GRIK1: variants seen among roughly 807,000 people sequenced by gnomAD.
The protein encoded by GRIK1 is glutamate ionotropic receptor kainate type subunit 1, also known as glutamate receptor ionotropic, kainate 1.
A neutral mutation model predicts 105.7 loss-of-function variants in GRIK1; 69 were observed. The ratio of observed to expected loss-of-function variants is 0.65; its 90% CI spans 0.54 to 0.80. The LOEUF is 0.80. Among genes scored for constraint, GRIK1 ranks in the 30% least tolerant of loss-of-function variants. The pLI is 0.00. For synonymous variants in GRIK1, 438 were observed against 431.3 expected, an observed-to-expected ratio of 1.02 and a Z score of -0.19; for missense variants, 1,109 against 1,167.3, an observed-to-expected ratio of 0.95 and a Z score of 0.73.
At chr21:29,897,213 G>C (rs1211875308) in intron 1 of GRIK1, among the ~76,000 whole-genome samples, 1 of 152,166 alleles carries the variant, frequency 6.6e-6, no homozygotes, top group East Asian at 1.9e-4. Flanking sequence ...AGTGGGAACT[G>C]TGTCAAAACC....
chr21:29,663,225 A>C (rs765064988), intron 4 of GRIK1, among the ~76,000 whole-genome samples: 1 of 152,166 alleles, frequency 6.6e-6, no homozygotes, highest in Non-Finnish European at 1.5e-5. Context: ...AAAATTAATA[A>C]TTTGCACAAA....
rs528247157 is a variant in GRIK1 at position 29,551,124 on chromosome 21, A to C, written c.2607+3928T>G. Among the ~76,000 whole-genome samples the C allele has an allele frequency of 7.2e-4, 110 of 152,310 alleles. No homozygotes were observed. In the East Asian group the frequency reaches 0.011, roughly 16 times the overall value. On this transcript the variant is annotated intron_variant, in intron 16 of 17. Transcript: ENST00000327783. ...CTGTGGGGAAAAAAATCTGCAATCT[A>C]ATAGGCTTCAGAAGTGCTGAATACT...
intron 1 of GRIK1, among the ~76,000 whole-genome samples, chr21:29,778,706 C>A (rs1320827758): frequency 1.3e-5 from 2 of 152,110 alleles, no homozygotes; most frequent in Non-Finnish European, 2.9e-5. Context: ...AAAAATGTGA[C>A]AAAAATTAAT....
intron 1 of GRIK1, among the ~76,000 whole-genome samples, chr21:29,906,688 A>C (rs1008686665): frequency 6.6e-6 from 1 of 152,162 alleles, no homozygotes; most frequent in African/African-American, 2.4e-5. Context: ...AAATTAAGAC[A>C]AAAGAGTTAA....
At chr21:29,875,089 ATAAT>A (rs1037626735) in intron 1 of GRIK1, among the ~76,000 whole-genome samples, 2 of 151,906 alleles carry the variant, frequency 1.3e-5, no homozygotes, top group Non-Finnish European at 2.9e-5. Context: ...TTTCTCCAAA[ATAAT>A]TAGACTTGCA....
intron 2 of GRIK1, among the ~76,000 whole-genome samples, chr21:29,690,897 A>T (rs1428859662): frequency 2.0e-5 from 3 of 152,198 alleles, no homozygotes; most frequent in African/African-American, 7.2e-5. Context: ...ATACAGTTTG[A>T]CATATTACTT....
At chr21:29,913,182 G>C (rs891698075) in intron 1 of GRIK1, among the ~76,000 whole-genome samples, 2 of 152,030 alleles carry the variant, frequency 1.3e-5, no homozygotes, top group African/African-American at 2.4e-5. Context: ...AGAAAGATGG[G>C]TTCGAGCCCC....
At chr21:29,677,737 T>C (rs949583021) in intron 3 of GRIK1, among the ~76,000 whole-genome samples, 3 of 152,188 alleles carry the variant, frequency 2.0e-5, no homozygotes, top group Admixed American at 2.0e-4. Flanking sequence ...AATATACCTC[T>C]GAGGTGAATA....
In GRIK1 at chr21:29,564,635, C is replaced by T. The variant is rs577897139; in HGVS notation, c.2131-2786G>A. Among the ~76,000 whole-genome samples the T allele has an allele frequency of 2.0e-5, 3 of 152,212 alleles. No individual in the cohort carries two copies. The South Asian group carries it at 6.2e-4, about 32-fold the overall frequency. On this transcript the variant is annotated intron_variant, in intron 14 of 17. Transcript: ENST00000327783. ...AAGGATGACACGATTCAACTCTAAA[C>T]CTAAACTATCTGAAGTGAAGGACTT...
intron 1 of GRIK1, among the ~76,000 whole-genome samples, chr21:29,842,209 A>AT (rs1025209925): frequency 3.3e-5 from 5 of 150,956 alleles, no homozygotes; most frequent in African/African-American, 4.9e-5. Context: ...AAGATTATGT[A>AT]TTTTTTTTTG....
chr21:29,658,423 T>C (rs2062897277), intron 4 of GRIK1, among the ~76,000 whole-genome samples: 1 of 152,136 alleles, frequency 6.6e-6, no homozygotes, highest in Non-Finnish European at 1.5e-5. Context: ...CCGCCATGCC[T>C]GGCTAATTTT....
intron 15 of GRIK1, among the ~76,000 whole-genome samples, chr21:29,560,548 C>CT (rs2090443710): frequency 1.1e-5 from 1 of 94,154 alleles, no homozygotes; most frequent in Non-Finnish European, 2.1e-5. Context: ...TTCTTTCTTT[C>CT]TTTCTTTCTT....
rs188749370 is a variant in GRIK1, at chr21:29,556,047, C to T, written c.2357-745G>A. On this transcript the variant is annotated intron_variant, in intron 15 of 17. Transcript: ENST00000327783. Reference sequence around the variant, plus strand: ...AACTTTCTCCAGAGAAGAAGACCACCGACCTTAGACTGGTTCTGGTTGGAT... The same window carrying T: ...AACTTTCTCCAGAGAAGAAGACCACTGACCTTAGACTGGTTCTGGTTGGAT... Among the ~76,000 whole-genome samples, 267 of 152,274 alleles carry T rather than the reference C, an allele frequency of 1.8e-3. 1 individual carries two copies. The highest frequency in any genetic ancestry group is 6.1e-3 in the African/African-American group (252 of 41,566).
At chr21:29,915,639 A>T (rs1026175389) in intron 1 of GRIK1, among the ~76,000 whole-genome samples, 24 of 152,024 alleles carry the variant, frequency 1.6e-4, no homozygotes, top group Non-Finnish European at 2.9e-5. Flanking sequence ...AGTTAACAAC[A>T]ACAGAAATAA....
chr21:29,630,064 C>G (rs1047763923), intron 7 of GRIK1, among the ~76,000 whole-genome samples: 5 of 152,036 alleles, frequency 3.3e-5, no homozygotes, highest in African/African-American at 1.2e-4. Context: ...TTAGACTTTT[C>G]TTATGTGGGT....
chr21:29,754,684 T>C (rs533424270), intron 1 of GRIK1, among the ~76,000 whole-genome samples: 20 of 152,224 alleles, frequency 1.3e-4, no homozygotes, highest in Non-Finnish European at 2.1e-4. Context: ...AGGTATTTTG[T>C]AGACCTTGTT....
At chr21:29,691,851 G>T (rs968888752) in intron 2 of GRIK1, among the ~76,000 whole-genome samples, 1 of 152,158 alleles carries the variant, frequency 6.6e-6, no homozygotes, top group Middle Eastern at 3.2e-3. Context: ...ATGTTTACAA[G>T]AAAAACTTTC....
At chr21:29,767,629 C>T (rs1425805114) in intron 1 of GRIK1, among the ~76,000 whole-genome samples, 1 of 152,138 alleles carries the variant, frequency 6.6e-6, no homozygotes, top group African/African-American at 2.4e-5. Context: ...TATTTCTCTA[C>T]AGTAGGAAAG....
rs75477664 is a variant in GRIK1 at position 29,838,923 on chromosome 21, C to T, written c.118+100460G>A. On this transcript the variant is annotated intron_variant, in intron 1 of 17. Coordinates refer to ENST00000327783, the MANE Select transcript of GRIK1 (RefSeq NM_001330994.2). ...AAATTGTATGAAGGAATCTGACATA[C>T]CTTTTCACTATTTGGTGGACAAGAT... 2.8e-3 allele frequency among the ~76,000 whole-genome samples: 420 copies of T among 152,134 alleles called. 9 individuals carry two copies. The highest frequency in any genetic ancestry group is 6.2e-3 in the East Asian group (32 of 5,190).
Sources: gnomAD v4.1 joint callset for allele counts (sites outside exome capture counted in the v4.1 genomes callset) on GRCh38, gnomAD v4.1.1 for gene constraint, MANE v1.5 for transcripts, NCBI Gene and HGNC (gene_info 2026-07-23, HGNC 2026-07-21) for gene names.